The following ERC2 variants were observed in gnomAD, a reference collection of about 807,000 sequenced individuals.
ERC2 encodes the protein ELKS/RAB6-interacting/CAST family member 2.
Under a neutral mutation model 114.8 loss-of-function variants are expected in ERC2, and 42 were observed. The ratio of observed to expected loss-of-function variants is 0.37; its 90% confidence interval spans 0.29 to 0.47. The LOEUF (loss-of-function observed/expected upper bound fraction) is 0.47, where lower values mean the gene tolerates loss of function less well. Ranked by LOEUF, ERC2 falls within the 20% of genes least tolerant of loss-of-function variation. ERC2 has a pLI of 0.99. For synonymous variants in ERC2, 454 were observed against 425.5 expected, an observed-to-expected ratio of 1.07 and a Z score of -0.82; for missense variants, 939 against 1,150.7, an observed-to-expected ratio of 0.82 and a Z score of 2.66.
At chr3:55,854,779 C>T (rs2061719880) in intron 14 of ERC2, among the ~76,000 whole-genome samples, 1 of 151,910 alleles carries the variant, frequency 6.6e-6, no homozygotes, top group South Asian at 2.1e-4. Context: ...AATTCAGAAA[C>T]ACATTCACAA....
chr3:55,793,433 T>C (rs1204865272), intron 14 of ERC2, among the ~76,000 whole-genome samples: 1 of 152,116 alleles, frequency 6.6e-6, no homozygotes, highest in Non-Finnish European at 1.5e-5. Context: ...TGCAGGACTG[T>C]TTTTGCCTAA....
chr3:56,375,845 C>A (rs1048862448), intron 2 of ERC2, among the ~76,000 whole-genome samples: 1 of 152,314 alleles, frequency 6.6e-6, no homozygotes, highest in Non-Finnish European at 1.5e-5. Context: ...TACATCCTCT[C>A]TTTCTTGCTC....
chr3:55,981,905 G>A (rs1576446106), intron 12 of ERC2, among the ~76,000 whole-genome samples: 1 of 152,200 alleles, frequency 6.6e-6, no homozygotes, highest in Non-Finnish European at 1.5e-5. Context: ...TTGTTCAACA[G>A]CATTAAAGAG....
At position 56,406,196 on chromosome 3, in the gene ERC2, A is replaced by G. The variant is rs1427371977; in HGVS notation, c.657+28155T>C. 2.0e-5 allele frequency among the ~76,000 whole-genome samples: 3 copies of G among 152,290 alleles called. 1 individual carries two copies. The highest frequency in any genetic ancestry group is 2.4e-5 in the African/African-American group (1 of 41,570). Reference sequence around the variant, plus strand: ...GCGTAAGCCACTATGCCCAGCCACGATATGAACATTTTTAAGACTTTTGAT... The same window carrying G: ...GCGTAAGCCACTATGCCCAGCCACGGTATGAACATTTTTAAGACTTTTGAT... On this transcript the variant is annotated intron_variant, in intron 2 of 17. Transcript: ENST00000288221.
chr3:56,127,683 A>G (rs1018481486), intron 6 of ERC2, among the ~76,000 whole-genome samples: 40 of 151,902 alleles, frequency 2.6e-4, no homozygotes, highest in African/African-American at 9.2e-4. Context: ...AGATCATGCC[A>G]CTGCACTCCA....
chr3:56,165,208 A>C (rs2082259384), intron 4 of ERC2, among the ~76,000 whole-genome samples: 1 of 144,150 alleles, frequency 6.9e-6, no homozygotes. Context: ...TAATACTATC[A>C]ATTAGTTTAG....
chr3:55,572,825 G>T (rs2056790092), intron 17 of ERC2, among the ~76,000 whole-genome samples: 1 of 152,200 alleles, frequency 6.6e-6, no homozygotes, highest in Non-Finnish European at 1.5e-5. Context: ...TCTCATTACA[G>T]TGAGGCAGTT....
At chr3:56,138,443 C>T (rs2080652913) in intron 6 of ERC2, among the ~76,000 whole-genome samples, 1 of 152,198 alleles carries the variant, frequency 6.6e-6, no homozygotes, top group South Asian at 2.1e-4. Flanking sequence ...CAGGTAGCTG[C>T]CTATCAGCCA....
rs558066308 is a variant in ERC2, at chr3:56,342,974, C to T, written c.658-46539G>A. On this transcript the variant is annotated intron_variant, in intron 2 of 17. Transcript: ENST00000288221. ...CCTCAGCCTGTCTCTGCCTGATCTT[C>T]TCTCTCACCCCATTCAAGCCAGGGC... 2.0e-5 allele frequency among the ~76,000 whole-genome samples: 3 copies of T among 152,198 alleles called. No homozygotes were observed. The East Asian group carries it at 5.8e-4, about 29-fold the overall frequency.
At chr3:56,221,328 T>G (rs1175226630) in intron 3 of ERC2, among the ~76,000 whole-genome samples, 1 of 151,880 alleles carries the variant, frequency 6.6e-6, no homozygotes. Flanking sequence ...ACAATGTTAT[T>G]CTTCTGGTTT....
chr3:56,458,754 G>A (rs934922588), intron 1 of ERC2, among the ~76,000 whole-genome samples: 2 of 152,142 alleles, frequency 1.3e-5, no homozygotes, highest in African/African-American at 4.8e-5. Flanking sequence ...GAAGGGGGAG[G>A]AGGGAATGTT....
chr3:56,141,252 C>T (rs2080837554), intron 5 of ERC2, among the ~76,000 whole-genome samples: 1 of 152,180 alleles, frequency 6.6e-6, no homozygotes, highest in African/African-American at 2.4e-5. Context: ...CTCCTCACAA[C>T]TAGAGCTGAA....
At chr3:56,122,142 A>C (rs1456508633) in intron 6 of ERC2, among the ~76,000 whole-genome samples, 1 of 152,256 alleles carries the variant, frequency 6.6e-6, no homozygotes, top group East Asian at 1.9e-4. Flanking sequence ...TGATGAACTA[A>C]AGCACGGTAT....
At chr3:55,979,482 G>A (rs776175254) in intron 12 of ERC2, among the ~76,000 whole-genome samples, 13 of 152,154 alleles carry the variant, frequency 8.5e-5, no homozygotes, top group Non-Finnish European at 1.8e-4. Flanking sequence ...AAAATTATGG[G>A]TGGAATCTCA....
chr3:55,755,893 C>T (rs867566885), intron 14 of ERC2, among the ~76,000 whole-genome samples: 14 of 152,230 alleles, frequency 9.2e-5, no homozygotes, highest in South Asian at 2.1e-4. Flanking sequence ...TCTTTTGAAA[C>T]CCAGCCCAAA....
intron 8 of ERC2, among the ~76,000 whole-genome samples, chr3:56,017,634 G>A (rs1023882): frequency 0.93 from 141,739 of 152,086 alleles, 66,280 homozygotes; most frequent in East Asian, 1. Flanking sequence ...GTTTCCTTAA[G>A]TGTCACCTTC....
chr3:55,980,831 G>A (rs954188152), intron 12 of ERC2, among the ~76,000 whole-genome samples: 3 of 151,898 alleles, frequency 2.0e-5, no homozygotes, highest in African/African-American at 7.3e-5. Flanking sequence ...AGGCCTACCT[G>A]GGGCCATCCT....
At chr3:55,789,560 TA>T (rs1240431136) in intron 14 of ERC2, among the ~76,000 whole-genome samples, 1 of 152,220 alleles carries the variant, frequency 6.6e-6, no homozygotes, top group Non-Finnish European at 1.5e-5. Context: ...TAATCTAATT[TA>T]AAGAAACCAT....
chr3:55,924,494 GT>G, intron 13 of ERC2, among the ~76,000 whole-genome samples: 1 of 152,106 alleles, frequency 6.6e-6, no homozygotes, highest in East Asian at 1.9e-4. Context: ...TTTACTCTTT[GT>G]TTTCACCTAC....
Sources: gnomAD v4.1 joint callset for allele counts (sites outside exome capture counted in the v4.1 genomes callset) on GRCh38, gnomAD v4.1.1 for gene constraint, MANE v1.5 for transcripts, NCBI Gene and HGNC (gene_info 2026-07-23, HGNC 2026-07-21) for gene names.